The following NINL variants were observed in gnomAD, a reference collection of about 807,000 sequenced individuals.
NINL encodes ninein-like protein.
NINL carries 153 observed loss-of-function variants against 160.3 expected under a neutral mutation model. The ratio of observed to expected loss-of-function variants is 0.95; its 90% confidence interval spans 0.84 to 1.09. NINL has a LOEUF of 1.09. Ranked by LOEUF, NINL falls within the 50% of genes least tolerant of loss-of-function variation. The probability of loss-of-function intolerance (pLI) is 0.00; values close to 1 mark genes in which losing one functional copy is unlikely to be tolerated. For missense variants in NINL, 1,829 were observed against 1,764.0 expected, an observed-to-expected ratio of 1.04 and a Z score of -0.66; for synonymous variants, 800 against 734.8, an observed-to-expected ratio of 1.09 and a Z score of -1.43.
intron 1 of NINL, among the ~76,000 whole-genome samples, chr20:25,560,975 C>CCT (rs897397239): frequency 2.0e-5 from 3 of 151,176 alleles, no homozygotes; most frequent in Non-Finnish European, 4.4e-5. Flanking sequence ...TCTCCCTCTC[C>CCT]CTCTCTCTCT....
intron 1 of NINL, among the ~76,000 whole-genome samples, chr20:25,546,918 G>C (rs1283953737): frequency 2.0e-5 from 3 of 152,152 alleles, no homozygotes; most frequent in African/African-American, 7.2e-5. Flanking sequence ...AGTTGGCGTG[G>C]CTTCTTCTTT....
At chr20:25,513,823 G>A (rs2064117092) in intron 3 of NINL, among the ~76,000 whole-genome samples, 1 of 152,200 alleles carries the variant, frequency 6.6e-6, no homozygotes, top group African/African-American at 2.4e-5. Context: ...CTTCCGCCAT[G>A]ATTCTGAGTT....
In NINL at chr20:25,490,934, A is replaced by C. The variant is rs117664479; in HGVS notation, c.1485+417T>G. Among the ~76,000 whole-genome samples the C allele has an allele frequency of 7.9e-3, 1,198 of 151,392 alleles. 6 individuals carry two copies. The highest frequency in any genetic ancestry group is 0.031 in the Middle Eastern group (9 of 292). On this transcript the variant is annotated intron_variant, in intron 11 of 23. Transcript: ENST00000278886. ...CAGTATCAGGGGACAGTTGTGAGACACTCACCAAAGCCCATCAAACCCCAT... is the reference window on the plus strand; with the variant it reads ...CAGTATCAGGGGACAGTTGTGAGACCCTCACCAAAGCCCATCAAACCCCAT...
rs1600967201 is a variant in NINL, at chr20:25,454,902, T to C, written c.3957+771A>G. ...CCCTAGTATGGTTTCTTTTAAAAGA[T>C]AGATCCTGTCATGCTTTTACTTAAA... On this transcript the variant is annotated intron_variant, in intron 23 of 23. Transcript: ENST00000278886. Among the ~76,000 whole-genome samples the C allele has an allele frequency of 2.0e-5, 3 of 152,198 alleles. No homozygotes were observed. The East Asian group carries it at 5.8e-4, about 29-fold the overall frequency.
At position 25,526,397 on chromosome 20, in the gene NINL, C is replaced by A; in HGVS notation, c.180+11G>T. 1 of 1,605,470 alleles carries A rather than the reference C, an allele frequency of 6.2e-7. No individual in the cohort carries two copies. The highest frequency in any genetic ancestry group is 1.1e-5 in the South Asian group (1 of 90,464). ...GTGCTTTCCTTTATGACAATGAAGT[C>A]CAACACTCACCCTGGCGAAATGGTC... On this transcript the variant is annotated intron_variant, in intron 2 of 23. Coordinates refer to ENST00000278886, the MANE Select transcript of NINL (RefSeq NM_025176.6).
rs2146511634 is a variant in NINL, at chr20:25,476,367, A to G, written c.2924T>C (p.Leu975Pro). 6.2e-7 allele frequency: 1 copy of G among 1,611,454 alleles called. No individual in the cohort carries two copies. Among genetic ancestry groups the G allele is most frequent in the Non-Finnish European group, 8.5e-7 (1 of 1,179,662 alleles). ...AASCRGQAER[L>P]QAIQEERARS... ...TGCTCGCTCTTCCTGAATGGCCTGT[A>G]GCCTCTCAGCCTGTCCCCTGCACGA... Residue 975 changes from leucine to proline, a missense_variant, in exon 17 of 24, where the codon CTA becomes CCA. Leu to Pro is a moderately conservative substitution (Grantham distance 98). Transcript: ENST00000278886.
At chr20:25,493,119 T>C (rs2063675261) in intron 10 of NINL, among the ~76,000 whole-genome samples, 1 of 152,116 alleles carries the variant, frequency 6.6e-6, no homozygotes, top group Admixed American at 6.5e-5. Flanking sequence ...CACAAGTCTT[T>C]CCAAATGGCT....
chr20:25,576,615 T>C (rs4815434), intron 1 of NINL, among the ~76,000 whole-genome samples: 147,654 of 152,200 alleles, frequency 0.97, 71,778 homozygotes, highest in Non-Finnish European at 1. Flanking sequence ...CATGCCACTG[T>C]GCCTAGCTAA....
intron 17 of NINL, among the ~76,000 whole-genome samples, chr20:25,471,779 A>G (rs982877777): frequency 6.6e-6 from 1 of 152,202 alleles, no homozygotes; most frequent in Non-Finnish European, 1.5e-5. Flanking sequence ...ACAGTCCCAG[A>G]TTAGCACCTT....
intron 23 of NINL, among the ~76,000 whole-genome samples, chr20:25,454,722 G>T (rs1217519214): frequency 5.3e-5 from 8 of 152,112 alleles, no homozygotes. Flanking sequence ...CACCCGTGGG[G>T]TCCACCCACA....
At chr20:25,580,001 A>T (rs2065154771) in intron 1 of NINL, among the ~76,000 whole-genome samples, 2 of 150,704 alleles carry the variant, frequency 1.3e-5, no homozygotes, top group Middle Eastern at 3.4e-3. Flanking sequence ...CAAAATTGTT[A>T]CTTTACTCAA....
At chr20:25,503,832 T>C (rs2063912615) in intron 7 of NINL, 120 bp downstream of exon 7, 1 of 1,199,784 alleles carries the variant, frequency 8.3e-7, no homozygotes, top group East Asian at 2.3e-5. Context: ...GTGCATGGCC[T>C]GTCCAGTTCT....
In NINL at chr20:25,569,672, G is replaced by A. The variant is rs182511969; in HGVS notation, c.-12+15783C>T. Among the ~76,000 whole-genome samples the A allele has an allele frequency of 3.3e-5, 5 of 152,338 alleles. No individual in the cohort carries two copies. The East Asian group carries it at 9.7e-4, about 29-fold the overall frequency. ...TCTGAGCGACACCTGAGAGGCCGACGACTGGTAACCCAGATTCCCTCAGAG... is the reference window on the plus strand; with the variant it reads ...TCTGAGCGACACCTGAGAGGCCGACAACTGGTAACCCAGATTCCCTCAGAG... On this transcript the variant is annotated intron_variant, in intron 1 of 23. Coordinates refer to ENST00000278886, the MANE Select transcript of NINL (RefSeq NM_025176.6).
intron 13 of NINL, among the ~76,000 whole-genome samples, chr20:25,485,875 AC>A (rs1158273665): frequency 6.6e-6 from 1 of 152,234 alleles, no homozygotes; most frequent in Non-Finnish European, 1.5e-5. Context: ...TGTTCCTTTA[AC>A]ATCCTTGACT....
intron 1 of NINL, among the ~76,000 whole-genome samples, chr20:25,551,370 CAAAT>C (rs892088196): frequency 6.8e-6 from 1 of 147,738 alleles, no homozygotes; most frequent in Non-Finnish European, 1.5e-5. Flanking sequence ...GACTCCGTCT[CAAAT>C]AAATAAATAA....
chr20:25,559,997 A>C (rs967487325), intron 1 of NINL, among the ~76,000 whole-genome samples: 1 of 152,158 alleles, frequency 6.6e-6, no homozygotes, highest in African/African-American at 2.4e-5. Flanking sequence ...TAGTGGTGTG[A>C]ACATGACTCA....
intron 22 of NINL, among the ~76,000 whole-genome samples, chr20:25,456,069 C>T (rs979609274): frequency 3.3e-5 from 5 of 150,140 alleles, no homozygotes; most frequent in African/African-American, 1.2e-4. Flanking sequence ...CAGAGCAAGA[C>T]TCAGTCTCAA....
At position 25,548,875 on chromosome 20, in the gene NINL, C is replaced by A. The variant is rs113280524; in HGVS notation, c.-11-22277G>T. ...CCAGGGCTGACCCCAGCACCCACGG[C>A]CACAGGTCCCACACCCAGCCTCACC... On this transcript the variant is annotated intron_variant, in intron 1 of 23. Transcript: ENST00000278886. 2.9e-4 allele frequency among the ~76,000 whole-genome samples: 43 copies of A among 147,762 alleles called. No individual in the cohort carries two copies. The East Asian group carries it at 8.2e-3, about 28-fold the overall frequency.
intron 10 of NINL, 67 bp from the exon 11 acceptor site, chr20:25,491,592 C>T: frequency 1.3e-6 from 2 of 1,547,346 alleles, no homozygotes; most frequent in East Asian, 2.3e-5. Context: ...ACGCCACCCC[C>T]TTCCTAGCCT....
Sources: allele counts gnomAD v4.1 joint callset (sites outside exome capture counted in the v4.1 genomes callset), GRCh38; gene constraint gnomAD v4.1.1; transcripts MANE v1.5; gene names NCBI Gene and HGNC (gene_info 2026-07-23, HGNC 2026-07-21).